The following TENM2 variants were observed in gnomAD, a reference collection of about 807,000 sequenced individuals.
The protein encoded by TENM2 is teneurin-2.
A neutral mutation model predicts 245.2 loss-of-function variants in TENM2; 52 were observed. The observed-to-expected ratio is 0.21, with a 90% CI of 0.17 to 0.27. The LOEUF is 0.27. Ranked by LOEUF, TENM2 falls within the 10% of genes least tolerant of loss-of-function variation. TENM2 has a pLI of 1.00. For synonymous variants in TENM2, 1,363 were observed against 1,438.9 expected (o/e 0.95, Z 1.19); for missense variants, 3,046 against 3,666.8 (o/e 0.83, Z 4.37).
At chr5:167,693,960 T>G (rs567376472) in intron 2 of TENM2, among the ~76,000 whole-genome samples, 2 of 152,236 alleles carry the variant, frequency 1.3e-5, no homozygotes, top group Non-Finnish European at 2.9e-5. Context: ...TCCTTTTAAC[T>G]ATTTAAAATA....
chr5:167,724,159 G>C (rs1022464247), intron 2 of TENM2, among the ~76,000 whole-genome samples: 1 of 152,106 alleles, frequency 6.6e-6, no homozygotes, highest in African/African-American at 2.4e-5. Flanking sequence ...GTACAATATT[G>C]GTAAATACTA....
the TENM2 span, among the ~76,000 whole-genome samples, chr5:167,069,483 T>C: frequency 2.6e-5 from 4 of 152,322 alleles, no homozygotes; most frequent in South Asian, 8.3e-4. Flanking sequence ...TCAAATTTTC[T>C]ACAAATATTA....
At chr5:167,338,841 G>A (rs1224080026) in intron 1 of TENM2, among the ~76,000 whole-genome samples, 5 of 152,138 alleles carry the variant, frequency 3.3e-5, no homozygotes, top group South Asian at 4.1e-4. Context: ...AGATGGCCCC[G>A]CTTTTGTTGC....
At chr5:168,124,494 GC>G in intron 10 of TENM2, among the ~76,000 whole-genome samples, 1 of 152,280 alleles carries the variant, frequency 6.6e-6, no homozygotes, top group Middle Eastern at 3.4e-3. Context: ...CATTCCTATC[GC>G]AGATGCTCTG....
At chr5:167,023,595 G>GATTT in the TENM2 span, among the ~76,000 whole-genome samples, 3 of 152,170 alleles carry the variant, frequency 2.0e-5, no homozygotes, top group Non-Finnish European at 4.4e-5. Flanking sequence ...TCTGAAGGAT[G>GATTT]ACTGTTTATA....
intron 13 of TENM2, chr5:168,186,645 TC>T (rs1760462918): frequency 6.6e-6 from 1 of 151,988 alleles, no homozygotes; most frequent in East Asian, 1.9e-4. Context: ...CTCACCCCCT[TC>T]CCCAGGAAAA....
chr5:167,353,546 C>G (rs542060832), intron 1 of TENM2, among the ~76,000 whole-genome samples: 1 of 107,208 alleles, frequency 9.3e-6, no homozygotes, highest in Admixed American at 1.5e-4. Flanking sequence ...CTCGCTCTGT[C>G]GCCCAGGCTG....
intron 2 of TENM2, among the ~76,000 whole-genome samples, chr5:167,488,100 A>C (rs996785331): frequency 9.2e-5 from 14 of 152,258 alleles, no homozygotes; most frequent in African/African-American, 3.4e-4. Flanking sequence ...CTCCTGCTCT[A>C]ATATGTCTCT....
At chr5:168,114,419 C>T (rs1174030590) in intron 9 of TENM2, among the ~76,000 whole-genome samples, 1 of 152,316 alleles carries the variant, frequency 6.6e-6, no homozygotes, top group East Asian at 1.9e-4. Context: ...AATAATGCAG[C>T]TTGCATGATA....
the TENM2 span, among the ~76,000 whole-genome samples, chr5:167,041,472 C>T: frequency 6.6e-6 from 1 of 152,168 alleles, no homozygotes. Context: ...GAGCACCATT[C>T]GTCTTCACCC....
chr5:167,287,131 A>G (rs1303315892), intron 1 of TENM2, among the ~76,000 whole-genome samples: 2 of 152,238 alleles, frequency 1.3e-5, no homozygotes, highest in Non-Finnish European at 2.9e-5. Flanking sequence ...ATGAAAATGT[A>G]GTCAGAGTCT....
chr5:167,085,401 A>T, the TENM2 span, among the ~76,000 whole-genome samples: 1 of 152,186 alleles, frequency 6.6e-6, no homozygotes, highest in African/African-American at 2.4e-5. Flanking sequence ...GAATATTGTT[A>T]GGTAATTGGA....
intron 3 of TENM2, among the ~76,000 whole-genome samples, chr5:167,887,732 C>A (rs73803262): frequency 6.6e-6 from 1 of 152,168 alleles, no homozygotes; most frequent in Non-Finnish European, 1.5e-5. Context: ...GGAATGCATG[C>A]GCTTAGTGTA....
the TENM2 span, among the ~76,000 whole-genome samples, chr5:167,105,947 ATG>A: frequency 1.4e-5 from 2 of 143,100 alleles, no homozygotes; most frequent in African/African-American, 5.2e-5. Context: ...CAAAGGAGGA[ATG>A]TGTGTGCAAG....
At chr5:167,944,153 G>A (rs1289000497) in intron 3 of TENM2, among the ~76,000 whole-genome samples, 17 of 152,160 alleles carry the variant, frequency 1.1e-4, no homozygotes, top group East Asian at 1.9e-4. Context: ...GTGTGAGAAC[G>A]TGCCCTATTG....
chr5:167,863,358 T>A (rs922199435), intron 2 of TENM2, among the ~76,000 whole-genome samples: 2 of 152,102 alleles, frequency 1.3e-5, no homozygotes, highest in African/African-American at 4.8e-5. Flanking sequence ...CTCACACCTG[T>A]AATCCCAGCA....
chr5:167,735,812 A>G (rs972233668), intron 2 of TENM2, among the ~76,000 whole-genome samples: 2 of 152,162 alleles, frequency 1.3e-5, no homozygotes, highest in African/African-American at 2.4e-5. Flanking sequence ...TCTCACAAAA[A>G]GAAAAAAGAG....
the TENM2 span, among the ~76,000 whole-genome samples, chr5:167,253,359 A>T: frequency 2.0e-5 from 3 of 151,664 alleles, no homozygotes; most frequent in African/African-American, 7.3e-5. Flanking sequence ...CGGCCTCCCA[A>T]AGTGCTGGGA....
intron 2 of TENM2, among the ~76,000 whole-genome samples, chr5:167,731,111 A>G (rs142940665): frequency 6.6e-6 from 1 of 152,254 alleles, no homozygotes; most frequent in African/African-American, 2.4e-5. Flanking sequence ...CACCCTTGAA[A>G]GATGCAAATA....
Sources: allele counts gnomAD v4.1 joint callset (sites outside exome capture counted in the v4.1 genomes callset), GRCh38; gene constraint gnomAD v4.1.1; transcripts MANE v1.5; gene names NCBI Gene and HGNC (gene_info 2026-07-23, HGNC 2026-07-21).